SEPTIN2: variants seen among roughly 807,000 people sequenced by gnomAD.
SEPTIN2 encodes septin-2.
SEPTIN2 carries 34 observed loss-of-function variants against 46.5 expected under a neutral mutation model. The observed-to-expected ratio is 0.73, with a 90% confidence interval of 0.56 to 0.97. The LOEUF is 0.97. SEPTIN2 is among the 50% of genes least tolerant of loss of function. The pLI is 0.00. For synonymous variants in SEPTIN2, 175 were observed against 153.4 expected (o/e 1.14, Z -1.04); for missense variants, 347 against 448.4 (o/e 0.77, Z 2.04).
chr2:241,351,454 A>G (rs1273886343), intron 12 of SEPTIN2: 1 of 152,196 alleles, frequency 6.6e-6, no homozygotes, highest in Non-Finnish European at 1.5e-5. Flanking sequence ...AATAGTCCTG[A>G]GGGTATGTGC....
chr2:241,337,633 A>AT (rs760179855), intron 6 of SEPTIN2, 40 bp from the exon 7 acceptor site: 31 of 1,585,152 alleles, frequency 2.0e-5, no homozygotes, highest in Admixed American at 5.2e-5. Context: ...TTTTGTATGT[A>AT]TTTTTTTTAA....
chr2:241,316,285 G>C (rs1317407918), intron 1 of SEPTIN2: 2 of 425,274 alleles, frequency 4.7e-6, no homozygotes, highest in Non-Finnish European at 4.3e-6. Flanking sequence ...TGTCGTCGGT[G>C]CTGGGCCTCG....
At chr2:241,330,897 C>T (rs1045536201) in intron 3 of SEPTIN2, among the ~76,000 whole-genome samples, 9 of 152,324 alleles carry the variant, frequency 5.9e-5, no homozygotes, top group African/African-American at 1.9e-4. Context: ...AGGCTGAGTG[C>T]AGTGGCTAAC....
rs1164614434 is a variant in SEPTIN2 at position 241,346,162 on chromosome 2, T to G, written c.843-4T>G. Reference sequence around the variant, plus strand: ...CACCTTGGTGCATTCCTCTTCTCTTTCAGCACCCACATGCAGGATCTCCAG... The same window carrying G: ...CACCTTGGTGCATTCCTCTTCTCTTGCAGCACCCACATGCAGGATCTCCAG... On this transcript the variant is annotated splice_region_variant and splice_polypyrimidine_tract_variant and intron_variant, in intron 9 of 12. Transcript: ENST00000391971. 2 of 1,612,694 alleles carry G rather than the reference T, an allele frequency of 1.2e-6. No individual in the cohort carries two copies. Among genetic ancestry groups the G allele is most frequent in the Non-Finnish European group, 1.7e-6 (2 of 1,178,930 alleles).
Position 241,326,123 on chromosome 2 carries a change from T to C in SEPTIN2, c.130+10T>C. ...ACACTGATGGTGGTCGGTAAGAAATTAATCTATAGTCTCCAACTTACTAAA... is the reference window on the plus strand; with the variant it reads ...ACACTGATGGTGGTCGGTAAGAAATCAATCTATAGTCTCCAACTTACTAAA... On this transcript the variant is annotated intron_variant, in intron 3 of 12. Transcript: ENST00000391971. The C allele has an allele frequency of 6.2e-7, 1 of 1,610,132 alleles. No individual in the cohort carries two copies. Among genetic ancestry groups the C allele is most frequent in the Admixed American group, 1.7e-5 (1 of 59,418 alleles).
intron 3 of SEPTIN2, among the ~76,000 whole-genome samples, chr2:241,332,776 T>C (rs559366697): frequency 1.3e-5 from 2 of 152,356 alleles, no homozygotes; most frequent in Admixed American, 1.3e-4. Context: ...CAATGGAATA[T>C]TGCCAAGCAC....
At chr2:241,321,057 T>G (rs1421912662) in intron 1 of SEPTIN2, among the ~76,000 whole-genome samples, 1 of 152,228 alleles carries the variant, frequency 6.6e-6, no homozygotes, top group African/African-American at 2.4e-5. Flanking sequence ...GAACATTGAC[T>G]GTAAAAATGT....
intron 2 of SEPTIN2, chr2:241,325,361 T>G (rs1023709330): frequency 6.6e-6 from 1 of 152,348 alleles, no homozygotes; most frequent in Non-Finnish European, 1.5e-5. Flanking sequence ...TATTGATGCT[T>G]CAGTGTAGTC....
intron 3 of SEPTIN2, among the ~76,000 whole-genome samples, chr2:241,334,340 T>C (rs906601052): frequency 1.3e-5 from 2 of 152,136 alleles, no homozygotes; most frequent in Non-Finnish European, 2.9e-5. Flanking sequence ...AATGAAGCAG[T>C]GGGATTTGTG....
upstream of SEPTIN2, chr2:241,315,584 T>A (rs917462366): frequency 6.6e-6 from 1 of 152,242 alleles, no homozygotes; most frequent in South Asian, 2.1e-4. Context: ...TCCACTCTTA[T>A]AAGCATAAGA....
At chr2:241,349,330 C>T (rs1355070670) in intron 11 of SEPTIN2, among the ~76,000 whole-genome samples, 1 of 151,214 alleles carries the variant, frequency 6.6e-6, no homozygotes, top group Non-Finnish European at 1.5e-5. Flanking sequence ...GATTGTGCCA[C>T]TGCAGTCTAG....
Position 241,335,482 on chromosome 2 carries a change from TGGAA to T in SEPTIN2, c.217+274_217+277del, listed in dbSNP as rs2079797604. On this transcript the variant is annotated intron_variant, in intron 4 of 12. Coordinates refer to ENST00000391971, the MANE Select transcript of SEPTIN2 (RefSeq NM_004404.5). ...GTTTCTGCCTATATTAAATATTTGA[TGGAA>T]GGATTAAGTGAGAATGTTTTACATC... 4 of 823,598 alleles carry T rather than the reference TGGAA, an allele frequency of 4.9e-6. No individual in the cohort carries two copies. The African/African-American group carries it at 5.2e-5, about 11-fold the overall frequency. The allele number at this position is 823,598 out of a possible 1,614,324, so 51.0% of individuals were successfully genotyped here. A position where few individuals can be genotyped will look rare whatever the true frequency, so the allele number is the denominator to read the frequency against.
intron 7 of SEPTIN2, among the ~76,000 whole-genome samples, chr2:241,340,002 G>C (rs533956366): frequency 1.3e-5 from 2 of 152,134 alleles, no homozygotes; most frequent in Non-Finnish European, 2.9e-5. Flanking sequence ...AATGAACACT[G>C]GTGTACATCT....
intron 1 of SEPTIN2, chr2:241,316,683 G>A: frequency 1.7e-6 from 1 of 573,798 alleles, no homozygotes; most frequent in African/African-American, 2.0e-5. Context: ...TACTGGCCCA[G>A]ACAAACCTGG....
intron 11 of SEPTIN2, among the ~76,000 whole-genome samples, chr2:241,349,025 C>G (rs1000385073): frequency 2.0e-5 from 3 of 152,038 alleles, no homozygotes; most frequent in Non-Finnish European, 4.4e-5. Flanking sequence ...CATTTCTGAA[C>G]ACATACAAAT....
chr2:241,316,891 T>TCCGC (rs1266627161), intron 1 of SEPTIN2: 1 of 200,992 alleles, frequency 5.0e-6, no homozygotes, highest in Non-Finnish European at 1.0e-5. Context: ...CTTGTGGGAT[T>TCCGC]CCGCCCAAAT....
intron 3 of SEPTIN2, among the ~76,000 whole-genome samples, chr2:241,328,573 C>T (rs1234484434): frequency 6.8e-6 from 1 of 146,374 alleles, no homozygotes; most frequent in East Asian, 2.0e-4. Context: ...CCTGCCTTTA[C>T]TAAAAAAAAA....
At chr2:241,344,788 G>A (rs2081772376) in intron 9 of SEPTIN2, among the ~76,000 whole-genome samples, 1 of 152,296 alleles carries the variant, frequency 6.6e-6, no homozygotes, top group Admixed American at 6.5e-5. Flanking sequence ...GGCTGAGGCC[G>A]GGTGCGGTGG....
chr2:241,348,086 A>G lies in SEPTIN2; in HGVS notation c.927-48A>G, dbSNP rs1430958401. ...GTAGAATTTTTTGGGGGGGTAGCAAATAACTATTTGTTGCAGTGTTATGAT... is the reference window on the plus strand; with the variant it reads ...GTAGAATTTTTTGGGGGGGTAGCAAGTAACTATTTGTTGCAGTGTTATGAT... On this transcript the variant is annotated intron_variant, in intron 10 of 12. Coordinates refer to ENST00000391971, the MANE Select transcript of SEPTIN2 (RefSeq NM_004404.5). 5 of 1,473,858 alleles carry G rather than the reference A, an allele frequency of 3.4e-6. 1 individual carries two copies. The highest frequency in any genetic ancestry group is 4.7e-6 in the Non-Finnish European group (5 of 1,070,234). 91.3% of individuals were successfully genotyped at this position (1,473,858 alleles called of 1,614,324 possible). A position where few individuals can be genotyped will look rare whatever the true frequency, so the allele number is the denominator to read the frequency against.
Sources: allele counts gnomAD v4.1 joint callset (sites outside exome capture counted in the v4.1 genomes callset), GRCh38; gene constraint gnomAD v4.1.1; transcripts MANE v1.5; gene names NCBI Gene and HGNC (gene_info 2026-07-23, HGNC 2026-07-21).